CLSTN3: variants seen among roughly 807,000 people sequenced by gnomAD.
CLSTN3 encodes the protein calsyntenin 3.
A neutral mutation model predicts 95.9 loss-of-function variants in CLSTN3; 36 were observed. The ratio of observed to expected loss-of-function variants is 0.38; its 90% CI spans 0.29 to 0.50. The LOEUF (loss-of-function observed/expected upper bound fraction) is 0.50, where lower values mean the gene tolerates loss of function less well. CLSTN3 is among the 20% of genes least tolerant of loss of function. The pLI is 0.95. For synonymous variants in CLSTN3, 481 were observed against 504.0 expected (o/e 0.95, Z 0.61); for missense variants, 1,084 against 1,268.8 (o/e 0.85, Z 2.21).
intron 16 of CLSTN3, chr12:7,155,931 A>C: frequency 3.8e-6 from 1 of 262,484 alleles, no homozygotes; most frequent in Non-Finnish European, 7.5e-6. Flanking sequence ...TGCTGGGGAG[A>C]GGGGCGCTGC....
rs1939349452 is a variant in CLSTN3 at position 7,133,702 on chromosome 12, C to T, written c.317C>T (p.Thr106Ile). Residue 106 changes from threonine to isoleucine, a missense_variant, in exon 3 of 18, where the codon ACC (threonine) becomes ATC (isoleucine). Transcript: ENST00000266546. The surrounding 1 kb of genome is among the most constrained non-coding windows in gnomAD (Gnocchi z 4.7). ...PVDCEAQKEH[T>I]FTIQAYDCGE... ...GACTGCGAGGCCCAGAAGGAACACACCTTCACCATCCAGGCCTATGACTGT... is the reference window on the plus strand; with the variant it reads ...GACTGCGAGGCCCAGAAGGAACACATCTTCACCATCCAGGCCTATGACTGT... 2 of 1,613,698 alleles carry T rather than the reference C, an allele frequency of 1.2e-6. No homozygotes were observed. Among genetic ancestry groups the T allele is most frequent in the Non-Finnish European group, 1.7e-6 (2 of 1,179,856 alleles).
chr12:7,147,193 C>CA (rs1939633757), intron 12 of CLSTN3, among the ~76,000 whole-genome samples: 3 of 151,756 alleles, frequency 2.0e-5, no homozygotes, highest in African/African-American at 7.3e-5. Context: ...ATACATTTCC[C>CA]TGGTGCAAAC....
chr12:7,144,724 A>G (rs1939593225), intron 12 of CLSTN3, among the ~76,000 whole-genome samples: 1 of 152,184 alleles, frequency 6.6e-6, no homozygotes, highest in African/African-American at 2.4e-5. Context: ...GAAGATAAAC[A>G]TCTCAAATTT....
intron 1 of CLSTN3, among the ~76,000 whole-genome samples, chr12:7,132,235 G>A (rs1368051894): frequency 1.3e-5 from 2 of 152,076 alleles, no homozygotes; most frequent in Non-Finnish European, 2.9e-5. Context: ...AGGGAATGTG[G>A]TTTGATGGTC....
In CLSTN3 at chr12:7,156,256, G is replaced by A. The variant is rs1043483067; in HGVS notation, c.2528-1233G>A. On this transcript the variant is annotated intron_variant, in intron 16 of 17. Coordinates refer to ENST00000266546, the MANE Select transcript of CLSTN3 (RefSeq NM_014718.4). ...CCGTAAGGGCCCTGGGCCTGGAGGT[G>A]CGTGTGTGGGGTCTCTGCCTCCACC... 7 of 456,732 alleles carry A rather than the reference G, an allele frequency of 1.5e-5. No individual in the cohort carries two copies. The East Asian group carries it at 2.8e-4, about 18-fold the overall frequency. The allele number at this position is 456,732 out of a possible 1,614,324, so 28.3% of individuals were successfully genotyped here. A position where few individuals can be genotyped will look rare whatever the true frequency, so the allele number is the denominator to read the frequency against.
intron 12 of CLSTN3, among the ~76,000 whole-genome samples, chr12:7,144,117 C>T (rs767531688): frequency 6.6e-6 from 1 of 151,290 alleles, no homozygotes; most frequent in South Asian, 2.1e-4. Context: ...ATCCCAGTTA[C>T]TTGGGAGGCT....
At chr12:7,153,794 T>A (rs1308049279) in intron 16 of CLSTN3, among the ~76,000 whole-genome samples, 2 of 152,170 alleles carry the variant, frequency 1.3e-5, no homozygotes, top group Non-Finnish European at 2.9e-5. Flanking sequence ...CGATCCTTAC[T>A]TTCTTTGGTA....
chr12:7,140,415 C>T (rs1939505667), intron 8 of CLSTN3, among the ~76,000 whole-genome samples: 1 of 152,054 alleles, frequency 6.6e-6, no homozygotes, highest in South Asian at 2.1e-4. Context: ...GGTACCCAAA[C>T]CCATGGCAAC....
At chr12:7,131,213 C>G (rs1939293702) in intron 1 of CLSTN3, 1 of 235,034 alleles carries the variant, frequency 4.3e-6, no homozygotes, top group African/African-American at 2.3e-5. Context: ...CCTCTGCATT[C>G]AGACCCTTTT....
Position 7,147,396 on chromosome 12 carries a change from C to A in CLSTN3, c.1848-1576C>A, listed in dbSNP as rs201465068. Among the ~76,000 whole-genome samples, 276 of 50,542 alleles carry A rather than the reference C, an allele frequency of 5.5e-3. 6 individuals are homozygous for A. In the East Asian group the frequency reaches 0.13, roughly 24 times the overall value. The allele number at this position is 50,542 out of a possible 152,430, so 33.2% of individuals were successfully genotyped here. On this transcript the variant is annotated intron_variant, in intron 12 of 17. Transcript: ENST00000266546. ...CCTGGGCAACAGAGAGAGACTCTGC[C>A]AAAAAAAAAAAAAAAAAAAAAAAAA...
intron 3 of CLSTN3, among the ~76,000 whole-genome samples, chr12:7,134,273 G>A (rs990352265): frequency 3.9e-5 from 6 of 152,246 alleles, no homozygotes; most frequent in East Asian, 1.9e-4. Context: ...CCACACACAC[G>A]ATCCCTATCA....
intron 3 of CLSTN3, 48 bp from the exon 4 acceptor site, chr12:7,135,279 G>C: frequency 6.3e-7 from 1 of 1,575,918 alleles, no homozygotes; most frequent in Non-Finnish European, 8.7e-7. Context: ...GTATAATGTC[G>C]AGGCTGGCTG....
At chr12:7,147,518 C>CTT (rs63621163) in intron 12 of CLSTN3, among the ~76,000 whole-genome samples, 12,552 of 141,918 alleles carry the variant, frequency 0.088, 740 homozygotes, top group South Asian at 0.21. Flanking sequence ...TTCTTTTCTT[C>CTT]TTTTTTTTTT....
Position 7,137,180 on chromosome 12 carries a change from G to T in CLSTN3, c.1210+70G>T. The stretch of plus-strand genomic sequence containing the variant: ...CTTGTCCCGCCTCTGTCACTGCCCA[G>T]TGTGTGACTGTGAACAGGTCACTTC... On this transcript the variant is annotated intron_variant, in intron 7 of 17. Coordinates refer to ENST00000266546, the MANE Select transcript of CLSTN3 (RefSeq NM_014718.4). This position sits in a 1 kb window ranked among gnomAD's most constrained non-coding sequence, Gnocchi z 4.4. 1 of 1,479,466 alleles carries T rather than the reference G, an allele frequency of 6.8e-7. No individual in the cohort carries two copies. 91.6% of individuals were successfully genotyped at this position (1,479,466 alleles called of 1,614,324 possible).
chr12:7,140,451 G>C (rs1939506542), intron 8 of CLSTN3, among the ~76,000 whole-genome samples: 1 of 152,162 alleles, frequency 6.6e-6, no homozygotes, highest in Non-Finnish European at 1.5e-5. Flanking sequence ...TAGGAAAAGA[G>C]TGTAGAGAGG....
At chr12:7,131,988 C>T (rs181287478) in intron 1 of CLSTN3, 132 of 445,006 alleles carry the variant, frequency 3.0e-4, no homozygotes, top group Non-Finnish European at 5.1e-4. Flanking sequence ...GCTTTGGGAG[C>T]CTGGGTGTTG....
chr12:7,153,459 T>C (rs1471044712), intron 16 of CLSTN3, among the ~76,000 whole-genome samples: 1 of 152,184 alleles, frequency 6.6e-6, no homozygotes, highest in Non-Finnish European at 1.5e-5. Flanking sequence ...AGACGCCTTT[T>C]TCAGTGTTCT....
At position 7,157,211 on chromosome 12, in the gene CLSTN3, C is replaced by T. The variant is rs766546477; in HGVS notation, c.2528-278C>T. On this transcript the variant is annotated intron_variant, in intron 16 of 17. Coordinates refer to ENST00000266546, the MANE Select transcript of CLSTN3 (RefSeq NM_014718.4). This position sits in a 1 kb window ranked among gnomAD's most constrained non-coding sequence, Gnocchi z 5.9. The stretch of plus-strand genomic sequence containing the variant: ...TTCATGACAGTGTTGGGCAGGGAGT[C>T]TTTTTCCTCCTCTGCCCTTGCCTCT... 5.9e-5 allele frequency among the ~76,000 whole-genome samples: 9 copies of T among 152,304 alleles called. No individual in the cohort carries two copies. The East Asian group carries it at 1.2e-3, about 20-fold the overall frequency.
Position 7,150,400 on chromosome 12 carries a change from C to T in CLSTN3, c.2246-144C>T, listed in dbSNP as rs954414466. The stretch of plus-strand genomic sequence containing the variant: ...GGATGGAGGGGAGCATCCCTCCCTT[C>T]GACCTCAGGTCGCACTTCTGCGGAG... On this transcript the variant is annotated intron_variant, in intron 14 of 17. Coordinates refer to ENST00000266546, the MANE Select transcript of CLSTN3 (RefSeq NM_014718.4). The surrounding 1 kb of genome is among the most constrained non-coding windows in gnomAD (Gnocchi z 4.0). The T allele has an allele frequency of 3.3e-5, 29 of 885,320 alleles. No homozygotes were observed. Among genetic ancestry groups the T allele is most frequent in the Admixed American group, 1.7e-4 (6 of 35,182 alleles). The allele number at this position is 885,320 out of a possible 1,614,324, so 54.8% of individuals were successfully genotyped here.
Sources: allele counts gnomAD v4.1 joint callset (sites outside exome capture counted in the v4.1 genomes callset), GRCh38; gene constraint gnomAD v4.1.1; non-coding constraint Gnocchi (gnomAD v3.1); transcripts MANE v1.5; gene names NCBI Gene and HGNC (gene_info 2026-07-23, HGNC 2026-07-21).